The following SIL1 variants were observed in gnomAD, a reference collection of about 807,000 sequenced individuals.
SIL1 encodes the protein SIL1 nucleotide exchange factor.
A neutral mutation model predicts 49.1 loss-of-function variants in SIL1; 40 were observed. The observed-to-expected ratio is 0.81, with a 90% CI of 0.63 to 1.06. The LOEUF (loss-of-function observed/expected upper bound fraction) is 1.06, where lower values mean the gene tolerates loss of function less well. SIL1 is among the 50% of genes least tolerant of loss of function. The pLI, the probability that SIL1 is intolerant of heterozygous loss-of-function variation, is 0.00. For missense variants in SIL1, 500 were observed against 572.6 expected, an observed-to-expected ratio of 0.87 and a Z score of 1.29; for synonymous variants, 253 against 250.8, an observed-to-expected ratio of 1.01 and a Z score of -0.08.
At chr5:139,194,276 CAT>C (rs1752225354) in intron 1 of SIL1, among the ~76,000 whole-genome samples, 1 of 152,188 alleles carries the variant, frequency 6.6e-6, no homozygotes, top group Non-Finnish European at 1.5e-5. Context: ...AGGTTCTCCA[CAT>C]GTGTCTGAGC....
At chr5:138,966,644 C>G (rs1376979536) in intron 7 of SIL1, among the ~76,000 whole-genome samples, 4 of 152,150 alleles carry the variant, frequency 2.6e-5, no homozygotes, top group African/African-American at 9.7e-5. Context: ...AAACCCGCAG[C>G]CCCTCATCGC....
chr5:139,161,463 A>G (rs1448946068), intron 1 of SIL1, among the ~76,000 whole-genome samples: 1 of 152,212 alleles, frequency 6.6e-6, no homozygotes, highest in African/African-American at 2.4e-5. Flanking sequence ...AGCCCTAGAC[A>G]TGAGTAGAGA....
chr5:139,070,157 AT>A (rs980075654), intron 3 of SIL1, among the ~76,000 whole-genome samples: 6 of 152,224 alleles, frequency 3.9e-5, no homozygotes, highest in African/African-American at 1.4e-4. Context: ...ACACAAAAAA[AT>A]GTTTTAAACT....
chr5:139,055,654 GGTCTCCC>G (rs1769394103), intron 3 of SIL1, among the ~76,000 whole-genome samples: 1 of 43,818 alleles, frequency 2.3e-5, no homozygotes, highest in African/African-American at 8.0e-5. Flanking sequence ...CTCTCCCCAC[GGTCTCCC>G]TCTCCCTCTC....
chr5:139,141,533 T>C (rs903587703), intron 1 of SIL1, among the ~76,000 whole-genome samples: 3 of 151,786 alleles, frequency 2.0e-5, no homozygotes, highest in South Asian at 4.2e-4. Flanking sequence ...GTGATGCAAC[T>C]ATGGTCTCAA....
chr5:139,094,980 G>A (rs1417933932), intron 3 of SIL1, among the ~76,000 whole-genome samples: 6 of 152,148 alleles, frequency 3.9e-5, no homozygotes, highest in Admixed American at 1.3e-4. Context: ...TTAGACTGGG[G>A]TCGTTGGTTT....
At chr5:139,145,220 A>G (rs1751169013) in intron 1 of SIL1, among the ~76,000 whole-genome samples, 1 of 152,244 alleles carries the variant, frequency 6.6e-6, no homozygotes. Context: ...GCCTGGAGGC[A>G]CATGAAAAGA....
At chr5:139,072,825 A>C (rs1383548243) in intron 3 of SIL1, among the ~76,000 whole-genome samples, 1 of 152,168 alleles carries the variant, frequency 6.6e-6, no homozygotes, top group Non-Finnish European at 1.5e-5. Flanking sequence ...GATAGTGATA[A>C]ATACCCAAAA....
chr5:139,021,062 G>T, intron 7 of SIL1, 109 bp downstream of exon 7: 1 of 1,488,834 alleles, frequency 6.7e-7, no homozygotes, highest in Non-Finnish European at 9.4e-7. Context: ...TAGTTTCATT[G>T]AGATGACACT....
chr5:139,090,562 C>A (rs1467361136), intron 3 of SIL1, among the ~76,000 whole-genome samples: 1 of 152,184 alleles, frequency 6.6e-6, no homozygotes, highest in Non-Finnish European at 1.5e-5. Context: ...ACAGACCCAA[C>A]TGCACACAGA....
chr5:139,150,603 AC>A (rs1031540292), intron 1 of SIL1, among the ~76,000 whole-genome samples: 1 of 152,134 alleles, frequency 6.6e-6, no homozygotes, highest in African/African-American at 2.4e-5. Context: ...CATGGCTTTG[AC>A]GAATCTCTCA....
intron 5 of SIL1, among the ~76,000 whole-genome samples, chr5:139,041,301 C>T (rs935590235): frequency 3.3e-5 from 5 of 152,206 alleles, no homozygotes; most frequent in African/African-American, 4.8e-5. Flanking sequence ...TGAGTAAAGA[C>T]GTGGAGACTG....
intron 3 of SIL1, among the ~76,000 whole-genome samples, chr5:139,119,247 A>G (rs1306096444): frequency 6.6e-6 from 1 of 152,214 alleles, no homozygotes; most frequent in Non-Finnish European, 1.5e-5. Flanking sequence ...CCCCAAGGAT[A>G]CAGAGAGGGG....
At chr5:139,181,268 G>A (rs189580313) in intron 1 of SIL1, among the ~76,000 whole-genome samples, 7 of 152,174 alleles carry the variant, frequency 4.6e-5, no homozygotes, top group Admixed American at 4.6e-4. Flanking sequence ...GCTCATCTGG[G>A]TTCACCCACC....
chr5:139,052,835 G>A (rs903441627), intron 3 of SIL1, among the ~76,000 whole-genome samples: 4 of 152,104 alleles, frequency 2.6e-5, no homozygotes, highest in Admixed American at 2.0e-4. Context: ...GCACTGACAC[G>A]GAACCCAATA....
chr5:139,026,511 G>A (rs1768653047), intron 6 of SIL1, among the ~76,000 whole-genome samples: 1 of 152,186 alleles, frequency 6.6e-6, no homozygotes, highest in African/African-American at 2.4e-5. Flanking sequence ...GCTGAGGCAG[G>A]AGAATAGCTT....
intron 7 of SIL1, among the ~76,000 whole-genome samples, chr5:138,996,102 G>A (rs1004571180): frequency 1.3e-5 from 2 of 152,144 alleles, no homozygotes; most frequent in East Asian, 3.8e-4. Flanking sequence ...GTTTTTTGAG[G>A]AAACTTCATA....
chr5:138,966,517 G>T (rs1184317944), intron 7 of SIL1, among the ~76,000 whole-genome samples: 1 of 152,008 alleles, frequency 6.6e-6, no homozygotes, highest in Non-Finnish European at 1.5e-5. Flanking sequence ...GTAGGGGGGT[G>T]GTGACTTTCC....
At chr5:139,029,168 G>A (rs538782225) in intron 5 of SIL1, among the ~76,000 whole-genome samples, 4 of 152,148 alleles carry the variant, frequency 2.6e-5, no homozygotes, top group Admixed American at 1.3e-4. Flanking sequence ...AGATGAAAGC[G>A]CAGCAAATAA....
Sources: gnomAD v4.1 joint callset for allele counts (sites outside exome capture counted in the v4.1 genomes callset) on GRCh38, gnomAD v4.1.1 for gene constraint, MANE v1.5 for transcripts, NCBI Gene and HGNC (gene_info 2026-07-23, HGNC 2026-07-21) for gene names.